Variants in SP3 observed in about 807,000 individuals in gnomAD.
SP3 encodes the protein transcription factor Sp3.
A neutral mutation model predicts 70.3 loss-of-function variants in SP3; 10 were observed. The ratio of observed to expected loss-of-function variants is 0.14; its 90% CI spans 0.09 to 0.24. SP3 has a LOEUF of 0.24. SP3 is among the 10% of genes least tolerant of loss of function. The pLI is 1.00. For missense variants in SP3, 825 were observed against 914.6 expected, an observed-to-expected ratio of 0.90 and a Z score of 1.26; for synonymous variants, 402 against 333.5, an observed-to-expected ratio of 1.21 and a Z score of -2.24.
At position 173,964,408 on chromosome 2, in the gene SP3, GGCCGCCGCTGCCGCC is replaced by G; in HGVS notation, c.138_152del (p.Ala47_Ala51del). 1 of 720,936 alleles carries G rather than the reference GGCCGCCGCTGCCGCC, an allele frequency of 1.4e-6. No homozygotes were observed. Among genetic ancestry groups the G allele is most frequent in the Non-Finnish European group, 2.5e-6 (1 of 395,530 alleles). The allele number at this position is 720,936 out of a possible 1,614,324, so 44.7% of individuals were successfully genotyped here. A position where few individuals can be genotyped will look rare whatever the true frequency, so the allele number is the denominator to read the frequency against. The stretch of plus-strand genomic sequence containing the variant: ...CCGGGGTTCAGCCGCTCCTCACCTG[GGCCGCCGCTGCCGCC>G]GCCACCGCACCGTTTCCGTGCTGTT... On this transcript the variant is annotated inframe_deletion, in exon 2 of 7. Coordinates refer to ENST00000310015, the MANE Select transcript of SP3 (RefSeq NM_003111.5).
Position 173,901,377 on chromosome 2 carries a change from C to T in SP3, c.*8564G>A, listed in dbSNP as rs1431135629. Among the ~76,000 whole-genome samples the T allele has an allele frequency of 1.3e-5, 2 of 151,874 alleles. No individual in the cohort carries two copies. The highest frequency in any genetic ancestry group is 4.8e-5 in the African/African-American group (2 of 41,346). ...TTAGACTGAGAAAAGATACTATCAGCCTATATATCTCTAAAATATATCTTA... is the reference window on the plus strand; with the variant it reads ...TTAGACTGAGAAAAGATACTATCAGTCTATATATCTCTAAAATATATCTTA... On this transcript the variant is annotated 3_prime_UTR_variant, in exon 7 of 7. Coordinates refer to ENST00000310015, the MANE Select transcript of SP3 (RefSeq NM_003111.5).
rs1689302456 is a variant in SP3 at position 173,905,937 on chromosome 2, C to T, written c.*4004G>A. Among the ~76,000 whole-genome samples, 1 of 152,166 alleles carries T rather than the reference C, an allele frequency of 6.6e-6. No homozygotes were observed. Among genetic ancestry groups the T allele is most frequent in the African/African-American group, 2.4e-5 (1 of 41,442 alleles). ...ATTGCTTGAGACCAGTAAGTGGAGT[C>T]TGCAGTAAGCCATGATTGCACCACT... is the stretch of plus-strand genomic sequence containing the variant. On this transcript the variant is annotated 3_prime_UTR_variant, in exon 7 of 7. Transcript: ENST00000310015.
chr2:173,913,762 G>GAATATTT (rs1689552832), intron 5 of SP3: 1 of 152,160 alleles, frequency 6.6e-6, no homozygotes, highest in African/African-American at 2.4e-5. Context: ...TATGATTTAA[G>GAATATTT]AATATTTGTT....
intron 3 of SP3, chr2:173,962,917 C>T (rs1172350684): frequency 6.6e-6 from 1 of 152,202 alleles, no homozygotes; most frequent in East Asian, 1.9e-4. Flanking sequence ...CAGGCGAGCT[C>T]CTCCCCTTGC....
intron 4 of SP3, among the ~76,000 whole-genome samples, chr2:173,938,830 T>C (rs1690281748): frequency 6.6e-6 from 1 of 152,234 alleles, no homozygotes; most frequent in East Asian, 1.9e-4. Context: ...ATATACCATT[T>C]ATCACATTAT....
At position 173,955,762 on chromosome 2, in the gene SP3, G is replaced by A; in HGVS notation, c.750C>T (p.Thr250=). The change falls in exon 4 of 7, where the codon ACC becomes ACT. Residue 250 remains threonine (T), a synonymous_variant. Transcript: ENST00000310015. ...CAAGAGGCACATTAGCAACTACTTG[G>A]GTTTGACCAGGAAAAGATGAACCAC... The part of the protein sequence containing the change: ...AIGGSSFPGQ[T]QVVANVPLGL... 1 of 1,614,156 alleles carries A rather than the reference G, an allele frequency of 6.2e-7. No homozygotes were observed. The highest frequency in any genetic ancestry group is 8.5e-7 in the Non-Finnish European group (1 of 1,180,028).
At chr2:173,922,944 T>C (rs1443498811) in intron 4 of SP3, among the ~76,000 whole-genome samples, 1 of 152,174 alleles carries the variant, frequency 6.6e-6, no homozygotes, top group Non-Finnish European at 1.5e-5. Flanking sequence ...AAGGGTAGAT[T>C]TGACACATAA....
chr2:173,910,605 G>A (rs997907409), intron 6 of SP3, among the ~76,000 whole-genome samples: 3 of 152,076 alleles, frequency 2.0e-5, no homozygotes, highest in Admixed American at 1.3e-4. Flanking sequence ...ACACTTTAAA[G>A]TCTAAATAAA....
intron 4 of SP3, among the ~76,000 whole-genome samples, chr2:173,932,965 C>T (rs949527610): frequency 6.6e-6 from 1 of 152,008 alleles, no homozygotes; most frequent in African/African-American, 2.4e-5. Flanking sequence ...GCACTCCAGG[C>T]CTGGGCGACA....
intron 4 of SP3, among the ~76,000 whole-genome samples, chr2:173,952,908 G>C (rs1443638236): frequency 1.3e-5 from 2 of 152,230 alleles, no homozygotes; most frequent in African/African-American, 2.4e-5. Flanking sequence ...TGAATGATGA[G>C]TGACTGCTAA....
rs745832548 is a variant in SP3 at position 173,955,687 on chromosome 2, A to G, written c.825T>C (p.Asp275=). 6.2e-7 allele frequency: 1 copy of G among 1,614,244 alleles called. No individual in the cohort carries two copies. Among genetic ancestry groups the G allele is most frequent in the Non-Finnish European group, 8.5e-7 (1 of 1,180,038 alleles). ...TFVPINSVDL[D]SLGLSGSSQT... ...GAGAACTGCCCGAGAGTCCCAAAGA[A>G]TCTAGATCGACACTATTGATTGGTA... is the stretch of plus-strand genomic sequence containing the variant. The change falls in exon 4 of 7, where the codon GAT becomes GAC. Residue 275 remains aspartate, a synonymous_variant. Transcript: ENST00000310015.
In SP3 at chr2:173,905,033, T is replaced by C. The variant is rs536035454; in HGVS notation, c.*4908A>G. Among the ~76,000 whole-genome samples the C allele has an allele frequency of 1.3e-5, 2 of 152,302 alleles. No homozygotes were observed. Among genetic ancestry groups the C allele is most frequent in the African/African-American group, 2.4e-5 (1 of 41,562 alleles). On this transcript the variant is annotated 3_prime_UTR_variant, in exon 7 of 7. Coordinates refer to ENST00000310015, the MANE Select transcript of SP3 (RefSeq NM_003111.5). ...CAGGGGTGTAATTTCCTCAAGAAAATACACATTTAGGTGCTTCAGTCTTTT... is the reference window on the plus strand; with the variant it reads ...CAGGGGTGTAATTTCCTCAAGAAAACACACATTTAGGTGCTTCAGTCTTTT...
In SP3 at chr2:173,900,818, T is replaced by C. The variant is rs1689178125; in HGVS notation, c.*9123A>G. On this transcript the variant is annotated 3_prime_UTR_variant, in exon 7 of 7. Coordinates refer to ENST00000310015, the MANE Select transcript of SP3 (RefSeq NM_003111.5). ...TTTATTTTTAAAAACCATTAAAGAC[T>C]TGAATTAATGGAGAGATACAGAATT... is the stretch of plus-strand genomic sequence containing the variant. Among the ~76,000 whole-genome samples, 1 of 152,226 alleles carries C rather than the reference T, an allele frequency of 6.6e-6. No individual in the cohort carries two copies. Among genetic ancestry groups the C allele is most frequent in the South Asian group, 2.1e-4 (1 of 4,834 alleles).
intron 4 of SP3, among the ~76,000 whole-genome samples, chr2:173,944,925 T>A (rs1466063051): frequency 1.3e-5 from 2 of 152,228 alleles, no homozygotes; most frequent in Non-Finnish European, 2.9e-5. Flanking sequence ...GAGACCAGCC[T>A]GGCCAACATG....
At position 173,964,396 on chromosome 2, in the gene SP3, G is replaced by A. The variant is rs1559113646; in HGVS notation, c.156+9C>T. On this transcript the variant is annotated intron_variant, in intron 2 of 6. Coordinates refer to ENST00000310015, the MANE Select transcript of SP3 (RefSeq NM_003111.5). ...GGGGGAGCCGGGCCGGGGTTCAGCC[G>A]CTCCTCACCTGGGCCGCCGCTGCCG... 4.2e-6 allele frequency: 3 copies of A among 708,312 alleles called. No individual in the cohort carries two copies. The highest frequency in any genetic ancestry group is 2.9e-5 in the East Asian group (1 of 34,878). 43.9% of individuals were successfully genotyped at this position (708,312 alleles called of 1,614,324 possible).
intron 3 of SP3, among the ~76,000 whole-genome samples, chr2:173,961,432 A>G (rs931367247): frequency 6.6e-6 from 1 of 152,234 alleles, no homozygotes; most frequent in African/African-American, 2.4e-5. Flanking sequence ...TTTAAACACA[A>G]CAATATATAT....
chr2:173,929,551 A>G (rs1023591930), intron 4 of SP3, among the ~76,000 whole-genome samples: 1 of 152,200 alleles, frequency 6.6e-6, no homozygotes, highest in Non-Finnish European at 1.5e-5. Flanking sequence ...AAAAGAAGAA[A>G]AGAAGACAAC....
intron 4 of SP3, among the ~76,000 whole-genome samples, chr2:173,932,379 A>G (rs2105473597): frequency 6.6e-6 from 1 of 152,134 alleles, no homozygotes; most frequent in East Asian, 1.9e-4. Flanking sequence ...TTCTGTAGAG[A>G]TGGGTTTCAC....
intron 4 of SP3, among the ~76,000 whole-genome samples, chr2:173,946,974 T>C (rs983965233): frequency 1.3e-5 from 2 of 151,988 alleles, no homozygotes; most frequent in Non-Finnish European, 2.9e-5. Flanking sequence ...CCTCCTGCAT[T>C]GGCTTCCTAA....
Sources: allele counts gnomAD v4.1 joint callset (sites outside exome capture counted in the v4.1 genomes callset), GRCh38; gene constraint gnomAD v4.1.1; transcripts MANE v1.5; gene names NCBI Gene and HGNC (gene_info 2026-07-23, HGNC 2026-07-21).